Variants in DYNC2H1 observed in about 807,000 individuals in gnomAD.
DYNC2H1 encodes cytoplasmic dynein 2 heavy chain 1.
Under a neutral mutation model 570.0 loss-of-function variants are expected in DYNC2H1, and 410 were observed. The ratio of observed to expected loss-of-function variants is 0.72; its 90% CI spans 0.66 to 0.78. DYNC2H1 has a LOEUF of 0.78. Among genes scored for constraint, DYNC2H1 ranks in the 30% least tolerant of loss-of-function variants. DYNC2H1 has a pLI of 0.00. For missense variants in DYNC2H1, 4,865 were observed against 5,046.4 expected (o/e 0.96, Z 1.09); for synonymous variants, 1,688 against 1,677.6 (o/e 1.01, Z -0.15).
At chr11:103,124,313 G>A (rs567718053) in intron 11 of DYNC2H1, among the ~76,000 whole-genome samples, 1 of 151,848 alleles carries the variant, frequency 6.6e-6, no homozygotes, top group South Asian at 2.1e-4. Context: ...CGAACATGGT[G>A]GCTTGCCTGT....
In DYNC2H1 at chr11:103,247,417, A is replaced by G. The variant is rs542951802; in HGVS notation, c.10042+2043A>G. Among the ~76,000 whole-genome samples, 10 of 152,212 alleles carry G rather than the reference A, an allele frequency of 6.6e-5. No homozygotes were observed. In the East Asian group the frequency reaches 1.9e-3, roughly 29 times the overall value. On this transcript the variant is annotated intron_variant, in intron 65 of 88. Transcript: ENST00000375735. ...CTCTGTTTTCAAGAGGTATATCTCC[A>G]TATGGATGTGTCTTTCGTAGTCCAA...
At chr11:103,469,015 A>G (rs1945283357) in intron 88 of DYNC2H1, among the ~76,000 whole-genome samples, 1 of 152,208 alleles carries the variant, frequency 6.6e-6, no homozygotes, top group African/African-American at 2.4e-5. Flanking sequence ...ATTTTCAGCA[A>G]TGTGTGCTAG....
chr11:103,146,086 T>C (rs1860226502), intron 18 of DYNC2H1, among the ~76,000 whole-genome samples: 1 of 152,172 alleles, frequency 6.6e-6, no homozygotes, highest in Non-Finnish European at 1.5e-5. Context: ...GTCAAGAAAA[T>C]TGGCTGTTAT....
chr11:103,414,801 A>G (rs1943218676), intron 84 of DYNC2H1, among the ~76,000 whole-genome samples: 1 of 152,192 alleles, frequency 6.6e-6, no homozygotes, highest in South Asian at 2.1e-4. Context: ...AAGAGAGTAA[A>G]ATACCTAAGA....
At chr11:103,149,462 T>C (rs1370985125) in intron 20 of DYNC2H1, among the ~76,000 whole-genome samples, 1 of 152,228 alleles carries the variant, frequency 6.6e-6, no homozygotes, top group Non-Finnish European at 1.5e-5. Flanking sequence ...TACAAACTTA[T>C]GTGCCCCCAC....
chr11:103,185,667 A>T lies in DYNC2H1; in HGVS notation c.6634-575A>T, dbSNP rs1862036320. Among the ~76,000 whole-genome samples, 1 of 151,502 alleles carries T rather than the reference A, an allele frequency of 6.6e-6. No homozygotes were observed. Among genetic ancestry groups the T allele is most frequent in the Non-Finnish European group, 1.5e-5 (1 of 67,836 alleles). ...CTTTCTCTATTCCGTCTCCCTTTCC[A>T]TGGCTGTCCTGTTGCCTCTGTTGCC... On this transcript the variant is annotated intron_variant, in intron 41 of 88. Coordinates refer to ENST00000375735, the MANE Select transcript of DYNC2H1 (RefSeq NM_001377.3). The surrounding 1 kb of genome is among the most constrained non-coding windows in gnomAD (Gnocchi z 4.5).
chr11:103,253,376 T>C lies in DYNC2H1; in HGVS notation c.10134T>C (p.Phe3378=), dbSNP rs1864916101. ...TGTCAACAAGAAACCCAAATCCTTT[T>C]ATTCCACCGGATGCAGCTTCCATTG... ...LFLSTRNPNP[F]IPPDAASIVT... The change falls in exon 66 of 89, where the codon TTT becomes TTC. Residue 3378 remains phenylalanine, a synonymous_variant. Coordinates refer to ENST00000375735, the MANE Select transcript of DYNC2H1 (RefSeq NM_001377.3). 1 of 1,613,320 alleles carries C rather than the reference T, an allele frequency of 6.2e-7. No homozygotes were observed. The highest frequency in any genetic ancestry group is 1.7e-5 in the Admixed American group (1 of 59,964).
chr11:103,434,536 C>T (rs544786724), intron 84 of DYNC2H1, among the ~76,000 whole-genome samples: 1 of 151,962 alleles, frequency 6.6e-6, no homozygotes, highest in Admixed American at 6.6e-5. Flanking sequence ...AGCTTCAGCC[C>T]ATCACCTAGT....
intron 86 of DYNC2H1, 76 bp downstream of exon 86, chr11:103,455,371 G>T (rs955143793): frequency 2.8e-6 from 3 of 1,064,890 alleles, no homozygotes; most frequent in African/African-American, 1.6e-5. Context: ...CTATTACACT[G>T]CCCTTGATTG....
rs1860357598 is a variant in DYNC2H1, at chr11:103,148,495, T to A, written c.2824T>A (p.Leu942Ile). The A allele has an allele frequency of 1.3e-6, 2 of 1,558,786 alleles. No individual in the cohort carries two copies. The highest frequency in any genetic ancestry group is 1.7e-6 in the Non-Finnish European group (2 of 1,150,260). ...LSLKKSIQAH[L>I]HEIDTFVTEA... is the part of the protein sequence containing the mutation. ...ATTTCAATGTTACCACTCAGCTCAT[T>A]TACATGAAATTGATACATTTGTTAC... Residue 942 changes from leucine (L) to isoleucine (I), a missense_variant, in exon 20 of 89, where the codon TTA becomes ATA. Leu to Ile is a conservative substitution (Grantham distance 5, BLOSUM62 2). This residue lies in a region of DYNC2H1 where 1,936 missense variants were observed against 1,962.1 expected (regional missense o/e 0.99). Coordinates refer to ENST00000375735, the MANE Select transcript of DYNC2H1 (RefSeq NM_001377.3).
chr11:103,283,517 T>C (rs886648260), intron 73 of DYNC2H1, among the ~76,000 whole-genome samples: 1 of 152,204 alleles, frequency 6.6e-6, no homozygotes, highest in African/African-American at 2.4e-5. Flanking sequence ...TCTTCACAAC[T>C]GTTGTATCAT....
chr11:103,169,526 T>C (rs1861482654), intron 32 of DYNC2H1, among the ~76,000 whole-genome samples: 2 of 152,132 alleles, frequency 1.3e-5, no homozygotes. Context: ...GCCAAATGGC[T>C]TTTTCAAAAG....
At position 103,228,243 on chromosome 11, in the gene DYNC2H1, TG is replaced by T. The variant is rs1473677942; in HGVS notation, c.9354-3012del. On this transcript the variant is annotated intron_variant, in intron 59 of 88. Transcript: ENST00000375735. The surrounding 1 kb of genome is among the most constrained non-coding windows in gnomAD (Gnocchi z 6.1). ...TTGCTGATGAGCTGGTATAATATTT[TG>T]GGGGTGTTAAAGAACCTTGTTTTGT... Among the ~76,000 whole-genome samples, 1 of 152,152 alleles carries T rather than the reference TG, an allele frequency of 6.6e-6. No homozygotes were observed. The highest frequency in any genetic ancestry group is 1.5e-5 in the Non-Finnish European group (1 of 68,022).
intron 88 of DYNC2H1, among the ~76,000 whole-genome samples, chr11:103,471,066 C>G (rs1174264106): frequency 6.6e-6 from 1 of 152,174 alleles, no homozygotes; most frequent in Admixed American, 6.5e-5. Context: ...TCCACATCCT[C>G]TCCAGCACCT....
intron 82 of DYNC2H1, among the ~76,000 whole-genome samples, chr11:103,350,695 T>G (rs1374290722): frequency 6.6e-6 from 1 of 152,146 alleles, no homozygotes; most frequent in Non-Finnish European, 1.5e-5. Flanking sequence ...CTGGTGAGGC[T>G]GCTCTTCCAG....
rs1219300152 is a variant in DYNC2H1 at position 103,358,374 on chromosome 11, A to G, written c.12156+15A>G. 1 of 1,497,728 alleles carries G rather than the reference A, an allele frequency of 6.7e-7. No individual in the cohort carries two copies. The highest frequency in any genetic ancestry group is 9.1e-7 in the Non-Finnish European group (1 of 1,095,804). 92.8% of individuals were successfully genotyped at this position (1,497,728 alleles called of 1,614,324 possible). A position where few individuals can be genotyped will look rare whatever the true frequency, so the allele number is the denominator to read the frequency against. On this transcript the variant is annotated intron_variant, in intron 83 of 88. Transcript: ENST00000375735. The stretch of plus-strand genomic sequence containing the variant: ...AACTAAACCAGGTTAGTAGTGGAAT[A>G]TTCTTCTGATTCTTTTGCTTTTTCT...
At chr11:103,130,099 CA>C (rs1221578206) in intron 13 of DYNC2H1, among the ~76,000 whole-genome samples, 2 of 152,126 alleles carry the variant, frequency 1.3e-5, no homozygotes, top group Non-Finnish European at 2.9e-5. Context: ...TTATTTTTTG[CA>C]GCAACAAATT....
chr11:103,225,269 G>A (rs1277217162), intron 59 of DYNC2H1, among the ~76,000 whole-genome samples: 1 of 152,042 alleles, frequency 6.6e-6, no homozygotes, highest in African/African-American at 2.4e-5. Flanking sequence ...AGTCCCGTCT[G>A]TTTATCTTTG....
Position 103,253,466 on chromosome 11 carries a change from T to G in DYNC2H1, c.10206+18T>G. The G allele has an allele frequency of 6.3e-7, 1 of 1,580,024 alleles. No individual in the cohort carries two copies. The highest frequency in any genetic ancestry group is 8.6e-7 in the Non-Finnish European group (1 of 1,160,256). ...GAGGGCAGGTATACATAGATAATAATAATTTACCTTGGAATCTTTTCGAGC... is the reference window on the plus strand; with the variant it reads ...GAGGGCAGGTATACATAGATAATAAGAATTTACCTTGGAATCTTTTCGAGC... On this transcript the variant is annotated intron_variant, in intron 66 of 88. Coordinates refer to ENST00000375735, the MANE Select transcript of DYNC2H1 (RefSeq NM_001377.3).
Sources: gnomAD v4.1 joint callset for allele counts (sites outside exome capture counted in the v4.1 genomes callset) on GRCh38, gnomAD v4.1.1 for gene constraint, gnomAD v4.1.1 regional missense constraint, Gnocchi (gnomAD v3.1) non-coding constraint, MANE v1.5 for transcripts, NCBI Gene and HGNC (gene_info 2026-07-23, HGNC 2026-07-21) for gene names.